The following RTN4 variants were observed in gnomAD, a reference collection of about 807,000 sequenced individuals.
The protein encoded by RTN4 is reticulon-4.
Under a neutral mutation model 90.4 loss-of-function variants are expected in RTN4, and 32 were observed. That is an observed-to-expected ratio of 0.35 (90% CI 0.27 to 0.48). The LOEUF (loss-of-function observed/expected upper bound fraction) is 0.48. Among genes scored for constraint, RTN4 ranks in the 20% least tolerant of loss-of-function variants. The probability of loss-of-function intolerance (pLI) is 0.99; values close to 1 mark genes in which losing one functional copy is unlikely to be tolerated. For missense variants in RTN4, 1,706 were observed against 1,430.2 expected, an observed-to-expected ratio of 1.19 and a Z score of -3.11; for synonymous variants, 629 against 552.5, an observed-to-expected ratio of 1.14 and a Z score of -1.94.
At chr2:55,024,657 T>C (rs1370604768) in intron 3 of RTN4, among the ~76,000 whole-genome samples, 3 of 152,164 alleles carry the variant, frequency 2.0e-5, no homozygotes, top group Non-Finnish European at 4.4e-5. Context: ...CTATATTATA[T>C]AGAAATATTT....
chr2:54,998,787 C>G (rs1679641256), intron 3 of RTN4, among the ~76,000 whole-genome samples: 2 of 152,076 alleles, frequency 1.3e-5, no homozygotes, highest in South Asian at 4.2e-4. Context: ...ACAGGATCAC[C>G]AAAATGCTAA....
chr2:55,077,592 T>G (rs986996155), intron 2 of RTN4, among the ~76,000 whole-genome samples: 2 of 152,118 alleles, frequency 1.3e-5, no homozygotes, highest in African/African-American at 4.8e-5. Flanking sequence ...GATCTACCAT[T>G]TGATCCAGCA....
Position 55,026,951 on chromosome 2 carries a change from T to A in RTN4, c.1148A>T (p.Glu383Val). 6.2e-7 allele frequency: 1 copy of A among 1,613,516 alleles called. No individual in the cohort carries two copies. Among genetic ancestry groups the A allele is most frequent in the East Asian group, 2.2e-5 (1 of 44,872 alleles). Residue 383 changes from glutamate to valine, a missense_variant, in exon 3 of 9, where the codon GAA becomes GTA. Physicochemically the swap from Glu to Val is moderately radical, Grantham distance 121. Transcript: ENST00000337526. The stretch of plus-strand genomic sequence containing the variant: ...CTCAAATGGTTTGAAGTCTGCATAT[T>A]CCTCCCTCATAGGAGCTTCCACTGC... ...RVAVEAPMRE[E>V]YADFKPFERV...
intron 3 of RTN4, among the ~76,000 whole-genome samples, chr2:55,014,141 A>C (rs1464020337): frequency 1.3e-5 from 2 of 152,180 alleles, no homozygotes; most frequent in African/African-American, 2.4e-5. Flanking sequence ...CCCTCTATGG[A>C]CTAAATTACA....
At chr2:55,008,110 G>A (rs182593958) in intron 3 of RTN4, among the ~76,000 whole-genome samples, 168 of 150,364 alleles carry the variant, frequency 1.1e-3, no homozygotes, top group African/African-American at 3.9e-3. Flanking sequence ...CTGAAAGATC[G>A]AGTATCTTAA....
intron 3 of RTN4, 72 bp from the exon 4 acceptor site, chr2:54,987,770 C>T (rs541991961): frequency 1.6e-6 from 2 of 1,275,134 alleles, no homozygotes; most frequent in Admixed American, 2.1e-5. Flanking sequence ...TCTATGAAAA[C>T]AAAAACGCTA....
chr2:55,066,762 T>C (rs1573494275), intron 2 of RTN4, among the ~76,000 whole-genome samples: 1 of 152,202 alleles, frequency 6.6e-6, no homozygotes, highest in Middle Eastern at 3.4e-3. Flanking sequence ...ATTAATCTTT[T>C]CTGCGTTTGT....
chr2:55,079,427 T>C (rs924058851), intron 2 of RTN4, among the ~76,000 whole-genome samples: 14 of 152,260 alleles, frequency 9.2e-5, no homozygotes, highest in Non-Finnish European at 1.0e-4. Context: ...TCAAGTAACT[T>C]AGAAGAGTAA....
rs947023599 is a variant in RTN4 at position 55,026,082 on chromosome 2, T to G, written c.2017A>C (p.Ile673Leu). 3 of 1,611,212 alleles carry G rather than the reference T, an allele frequency of 1.9e-6. No individual in the cohort carries two copies. The African/African-American group carries it at 4.0e-5, about 22-fold the overall frequency. ...TCAGGCTCTTTAATTTCTTCCTTTA[T>G]TCCTGATACTTTTTTTAGTGATACA... ...MSVSLKKVSG[I>L]KEEIKEPENI... Residue 673 changes from isoleucine to leucine, a missense_variant, in exon 3 of 9, where the codon ATA (isoleucine) becomes CTA (leucine). Transcript: ENST00000337526.
chr2:55,077,446 A>T (rs1668623311), intron 2 of RTN4, among the ~76,000 whole-genome samples: 1 of 152,174 alleles, frequency 6.6e-6, no homozygotes, highest in Non-Finnish European at 1.5e-5. Flanking sequence ...GAATGGCCAT[A>T]ATCAAAAAAT....
At chr2:55,024,949 T>A in intron 3 of RTN4, 137 bp downstream of exon 3, 1 of 1,100,270 alleles carries the variant, frequency 9.1e-7, no homozygotes, top group East Asian at 2.5e-5. Context: ...AACCTTTAAC[T>A]GAAAAAGTGG....
At chr2:55,132,312 G>A in the RTN4 span, among the ~76,000 whole-genome samples, 2 of 152,234 alleles carry the variant, frequency 1.3e-5, no homozygotes, top group Admixed American at 6.5e-5. Context: ...AGACCAGCCT[G>A]GCCAACAGGG....
intron 2 of RTN4, among the ~76,000 whole-genome samples, chr2:55,074,613 A>C (rs949380821): frequency 6.6e-6 from 1 of 152,148 alleles, no homozygotes; most frequent in African/African-American, 2.4e-5. Context: ...AAATGAAGAA[A>C]GGATATAACA....
At chr2:55,011,751 A>AG (rs1680659785) in intron 3 of RTN4, among the ~76,000 whole-genome samples, 2 of 152,200 alleles carry the variant, frequency 1.3e-5, no homozygotes, top group African/African-American at 2.4e-5. Flanking sequence ...GGAAAATGAG[A>AG]GGGGAAAAAG....
the RTN4 span, among the ~76,000 whole-genome samples, chr2:55,125,454 T>C: frequency 6.6e-6 from 1 of 152,146 alleles, no homozygotes; most frequent in Non-Finnish European, 1.5e-5. Context: ...GCGAAGGAAA[T>C]GAACAGATAC....
At chr2:55,015,971 T>C (rs999733136) in intron 3 of RTN4, among the ~76,000 whole-genome samples, 9 of 152,230 alleles carry the variant, frequency 5.9e-5, no homozygotes, top group African/African-American at 2.2e-4. Flanking sequence ...TAAATGCTCA[T>C]ACCCACTAAC....
At chr2:55,134,284 A>G in the RTN4 span, among the ~76,000 whole-genome samples, 1 of 152,044 alleles carries the variant, frequency 6.6e-6, no homozygotes, top group Admixed American at 6.5e-5. Flanking sequence ...TATGATTTGT[A>G]TCTTGTGAAC....
At chr2:55,001,052 TAAGA>T (rs1679819397) in intron 3 of RTN4, among the ~76,000 whole-genome samples, 1 of 152,164 alleles carries the variant, frequency 6.6e-6, no homozygotes, top group African/African-American at 2.4e-5. Context: ...TTGGTGAATT[TAAGA>T]ATGATATTAA....
At position 55,050,325 on chromosome 2, in the gene RTN4, C is replaced by CA; in HGVS notation, c.-26dup. ...TGGCTGGAGGGTGGAGATGATGCTG[C>CA]AGCTGCTGCCGCCGCCGCCGGGGCC... On this transcript the variant is annotated 5_prime_UTR_variant, in exon 1 of 9. Coordinates refer to ENST00000337526, the MANE Select transcript of RTN4 (RefSeq NM_020532.5). The surrounding 1 kb of genome is among the most constrained non-coding windows in gnomAD (Gnocchi z 4.6). 7.3e-7 allele frequency: 1 copy of CA among 1,367,338 alleles called. No homozygotes were observed. Among genetic ancestry groups the CA allele is most frequent in the Non-Finnish European group, 9.5e-7 (1 of 1,055,294 alleles). The allele number at this position is 1,367,338 out of a possible 1,614,324, so 84.7% of individuals were successfully genotyped here.
Sources: allele counts gnomAD v4.1 joint callset (sites outside exome capture counted in the v4.1 genomes callset), GRCh38; gene constraint gnomAD v4.1.1; non-coding constraint Gnocchi (gnomAD v3.1); transcripts MANE v1.5; gene names NCBI Gene and HGNC (gene_info 2026-07-23, HGNC 2026-07-21).